Variants in POLR3H observed in about 807,000 individuals in gnomAD.
POLR3H encodes the protein DNA-directed RNA polymerase III subunit RPC8.
Under a neutral mutation model 25.5 loss-of-function variants are expected in POLR3H, and 17 were observed. That is an observed-to-expected ratio of 0.67 (90% CI 0.46 to 1.00). The LOEUF is 1.00. Among genes scored for constraint, POLR3H ranks in the 50% least tolerant of loss-of-function variants. POLR3H has a pLI of 0.00. For synonymous variants in POLR3H, 129 were observed against 103.0 expected (o/e 1.25, Z -1.53); for missense variants, 274 against 265.0 (o/e 1.03, Z -0.24).
In POLR3H at chr22:41,544,052, T is replaced by C. The variant is rs2066977462; in HGVS notation, c.50A>G (p.Gln17Arg). The change falls in exon 1 of 6, where the codon CAG (glutamine) becomes CGG (arginine). Residue 17 changes from glutamine to arginine, a missense_variant. Physicochemically the swap from Gln to Arg is conservative, Grantham distance 43. Coordinates refer to ENST00000355209, the MANE Select transcript of POLR3H (RefSeq NM_001018050.4). ...MVDTVRIPPW[Q>R]FERKLNDSIA... Reference sequence around the variant, plus strand: ...GGAGTCGTTGAGCTTCCTCTCAAACTGCCAAGGGGGGATCCGGACGGTGTC... The same window carrying C: ...GGAGTCGTTGAGCTTCCTCTCAAACCGCCAAGGGGGGATCCGGACGGTGTC... 4 of 1,544,878 alleles carry C rather than the reference T, an allele frequency of 2.6e-6. No individual in the cohort carries two copies. The highest frequency in any genetic ancestry group is 3.5e-4 in the Middle Eastern group (2 of 5,782).
chr22:41,544,178 C>A lies in POLR3H; in HGVS notation c.-77G>T, dbSNP rs542939819. The A allele has an allele frequency of 8.2e-5, 72 of 877,270 alleles. 1 individual carries two copies. In the African/African-American group the frequency reaches 9.7e-4, roughly 12 times the overall value. 54.3% of individuals were successfully genotyped at this position (877,270 alleles called of 1,614,324 possible). ...GCCGGGGGCAGGGAGAATCCCCGAG[C>A]CCCTTGGTCCCGTCCCAGTCGCTGA... On this transcript the variant is annotated 5_prime_UTR_variant, in exon 1 of 6. Transcript: ENST00000355209.
chr22:41,528,817 G>C lies in POLR3H; in HGVS notation c.*466C>G, dbSNP rs922198496. On this transcript the variant is annotated 3_prime_UTR_variant, in exon 6 of 6. Transcript: ENST00000355209. ...TTTTTAGCCCCCGTCTTCCTATTTT[G>C]AGTTTGGTTCAGATCTTAAGCAGCT... 1.5e-5 allele frequency: 10 copies of C among 683,334 alleles called. No individual in the cohort carries two copies. The allele number at this position is 683,334 out of a possible 1,614,324, so 42.3% of individuals were successfully genotyped here.
At chr22:41,542,067 TG>T (rs1350289219) in intron 1 of POLR3H, among the ~76,000 whole-genome samples, 5 of 141,268 alleles carry the variant, frequency 3.5e-5, no homozygotes, top group Non-Finnish European at 6.2e-5. Flanking sequence ...TTCCACACCA[TG>T]GTGGGTATTT....
rs754589228 is a variant in POLR3H, at chr22:41,532,676, C to T, written c.278G>A (p.Ser93Asn). The change falls in exon 3 of 6, where the codon AGC (serine) becomes AAC (asparagine). Residue 93 changes from serine to asparagine, a missense_variant. Ser to Asn is a conservative substitution (Grantham distance 46). Transcript: ENST00000355209. ...ACTGTTACCGTGCACTCCTTCTGGG[C>T]TGCAGCCTTTGATCTTCCCAATGAG... ...EILIGKIKGCSPEGVHVSLGF... is the reference protein window; with the variant it reads ...EILIGKIKGCNPEGVHVSLGF... 1.5e-5 allele frequency: 24 copies of T among 1,613,978 alleles called. No individual in the cohort carries two copies. Among genetic ancestry groups the T allele is most frequent in the Admixed American group, 3.3e-5 (2 of 59,992 alleles).
chr22:41,530,595 A>T (rs1037162417), intron 5 of POLR3H, 92 bp downstream of exon 5: 101 of 1,205,370 alleles, frequency 8.4e-5, no homozygotes, highest in Admixed American at 2.1e-4. Flanking sequence ...GCTGGGGGAG[A>T]TCCCAGAGCA....
intron 5 of POLR3H, 37 bp downstream of exon 5, chr22:41,530,650 G>T: frequency 6.4e-7 from 1 of 1,572,612 alleles, no homozygotes; most frequent in Non-Finnish European, 8.7e-7. Flanking sequence ...CGGCTCTCCC[G>T]CCTCATGGGG....
rs2066595648 is a variant in POLR3H, at chr22:41,526,349, C to G, written c.*2934G>C. On this transcript the variant is annotated 3_prime_UTR_variant, in exon 6 of 6. Transcript: ENST00000355209. Reference sequence around the variant, plus strand: ...GCACTTGGATAACATCTCCAACAACCTGCTCATTGGTGCCATCAACATTGA... The same window carrying G: ...GCACTTGGATAACATCTCCAACAACGTGCTCATTGGTGCCATCAACATTGA... 6.2e-7 allele frequency: 1 copy of G among 1,613,550 alleles called. No homozygotes were observed. Among genetic ancestry groups the G allele is most frequent in the African/African-American group, 1.3e-5 (1 of 75,058 alleles).
intron 1 of POLR3H, 106 bp downstream of exon 1, chr22:41,543,885 G>C (rs2066972943): frequency 3.8e-6 from 3 of 779,518 alleles, no homozygotes; most frequent in Non-Finnish European, 6.8e-6. Flanking sequence ...ACATTAAGCT[G>C]CTTGCCCACG....
intron 2 of POLR3H, chr22:41,533,540 C>T (rs2066786069): frequency 1.6e-6 from 2 of 1,248,282 alleles, no homozygotes; most frequent in African/African-American, 1.5e-5. Context: ...GCCACCGGGT[C>T]GAATCTTGCC....
intron 2 of POLR3H, among the ~76,000 whole-genome samples, chr22:41,538,378 G>A (rs948433963): frequency 6.6e-6 from 1 of 151,880 alleles, no homozygotes; most frequent in Non-Finnish European, 1.5e-5. Flanking sequence ...TGCCCGCCTC[G>A]GCCTCCCAAA....
At chr22:41,532,472 G>T in intron 3 of POLR3H, 187 bp downstream of exon 3, 1 of 1,086,592 alleles carries the variant, frequency 9.2e-7, no homozygotes, top group African/African-American at 1.6e-5. Context: ...CGGCCTCACA[G>T]TGAAACCGCA....
Position 41,532,169 on chromosome 22 carries a change from G to A in POLR3H, c.296-12C>T. 1 of 1,613,770 alleles carries A rather than the reference G, an allele frequency of 6.2e-7. No homozygotes were observed. Among genetic ancestry groups the A allele is most frequent in the South Asian group, 1.1e-5 (1 of 91,070 alleles). On this transcript the variant is annotated splice_polypyrimidine_tract_variant and intron_variant, in intron 3 of 5. Transcript: ENST00000355209. ...GAAGCCTAGAGAGACTGGAAGGAAG[G>A]AAGCAGGTGACGGCCTGAGATGGGG...
chr22:41,542,230 C>A (rs1335582870), intron 1 of POLR3H, among the ~76,000 whole-genome samples: 2 of 152,102 alleles, frequency 1.3e-5, no homozygotes, highest in African/African-American at 2.4e-5. Context: ...ATTACAGGTG[C>A]CTGCCACCAT....
Position 41,527,776 on chromosome 22 carries a change from C to T in POLR3H, c.*1507G>A, listed in dbSNP as rs1447222492. 2 of 1,501,082 alleles carry T rather than the reference C, an allele frequency of 1.3e-6. No individual in the cohort carries two copies. Among genetic ancestry groups the T allele is most frequent in the African/African-American group, 2.8e-5 (2 of 72,238 alleles). The allele number at this position is 1,501,082 out of a possible 1,614,324, so 93.0% of individuals were successfully genotyped here. On this transcript the variant is annotated 3_prime_UTR_variant, in exon 6 of 6. Coordinates refer to ENST00000355209, the MANE Select transcript of POLR3H (RefSeq NM_001018050.4). Reference sequence around the variant, plus strand: ...AGGGAGCAGACCAGGGCCCCATAGTCACTGCCCGGGCATTGTCCCAGGCAG... The same window carrying T: ...AGGGAGCAGACCAGGGCCCCATAGTTACTGCCCGGGCATTGTCCCAGGCAG...
chr22:41,533,323 G>GT (rs767168932), intron 2 of POLR3H, among the ~76,000 whole-genome samples: 1 of 152,188 alleles, frequency 6.6e-6, no homozygotes, highest in East Asian at 1.9e-4. Context: ...GGCATTAGCT[G>GT]TATGTCACCT....
At position 41,530,762 on chromosome 22, in the gene POLR3H, G is replaced by C. The variant is rs763916011; in HGVS notation, c.486C>G (p.Pro162=). The part of the protein sequence containing the change: ...VVDESFVDTS[P]TGPSSADATT... ...TGGCATCTGCTGAGCTGGGCCCTGT[G>C]GGGGACGTGTCAACAAAGCTCTCGT... The change falls in exon 5 of 6, where the codon CCC becomes CCG. Residue 162 remains proline (P), a synonymous_variant. Transcript: ENST00000355209. 6.2e-7 allele frequency: 1 copy of C among 1,614,048 alleles called. No homozygotes were observed. Among genetic ancestry groups the C allele is most frequent in the South Asian group, 1.1e-5 (1 of 91,086 alleles).
At position 41,526,146 on chromosome 22, in the gene POLR3H, T is replaced by C. The variant is rs992209576; in HGVS notation, c.*3137A>G. The stretch of plus-strand genomic sequence containing the variant: ...ACGTGTCTGAAGACTTGCCTGCCTC[T>C]CACCCCTCTGTCACCCCTCCTGGGC... On this transcript the variant is annotated 3_prime_UTR_variant, in exon 6 of 6. Coordinates refer to ENST00000355209, the MANE Select transcript of POLR3H (RefSeq NM_001018050.4). 8.5e-5 allele frequency: 74 copies of C among 868,214 alleles called. No individual in the cohort carries two copies. The highest frequency in any genetic ancestry group is 3.6e-4 in the Middle Eastern group (1 of 2,750). The allele number at this position is 868,214 out of a possible 1,614,324, so 53.8% of individuals were successfully genotyped here. A position where few individuals can be genotyped will look rare whatever the true frequency, so the allele number is the denominator to read the frequency against.
intron 2 of POLR3H, among the ~76,000 whole-genome samples, 186 bp from the exon 3 acceptor site, chr22:41,532,931 C>G (rs1391124732): frequency 1.3e-5 from 2 of 152,180 alleles, no homozygotes; most frequent in Non-Finnish European, 2.9e-5. Context: ...GCAGCAGCAG[C>G]TGTCCTGTAA....
Position 41,532,665 on chromosome 22 carries a change from C to T in POLR3H, c.289G>A (p.Val97Met). Residue 97 changes from valine to methionine, a missense_variant, in exon 3 of 6, where the codon GTG (valine) becomes ATG (methionine). Transcript: ENST00000355209. ...GCGTCAGGGCCACTGTTACCGTGCA[C>T]TCCTTCTGGGCTGCAGCCTTTGATC... ...GKIKGCSPEG[V>M]HVSLGFFDDI... 3 of 1,614,108 alleles carry T rather than the reference C, an allele frequency of 1.9e-6. No homozygotes were observed. The highest frequency in any genetic ancestry group is 2.5e-6 in the Non-Finnish European group (3 of 1,179,980).
Sources: allele counts gnomAD v4.1 joint callset (sites outside exome capture counted in the v4.1 genomes callset), GRCh38; gene constraint gnomAD v4.1.1; transcripts MANE v1.5; gene names NCBI Gene and HGNC (gene_info 2026-07-23, HGNC 2026-07-21).